EIF2AK3: variants seen among roughly 807,000 people sequenced by gnomAD.
EIF2AK3 encodes the protein eukaryotic translation initiation factor 2 alpha kinase 3.
Under a neutral mutation model 113.5 loss-of-function variants are expected in EIF2AK3, and 50 were observed. The observed-to-expected ratio is 0.44, with a 90% CI of 0.35 to 0.56. The LOEUF (loss-of-function observed/expected upper bound fraction) is 0.56. EIF2AK3 is among the 20% of genes least tolerant of loss of function. The pLI is 0.00. For missense variants in EIF2AK3, 1,185 were observed against 1,378.0 expected (o/e 0.86, Z 2.22); for synonymous variants, 448 against 495.4 (o/e 0.90, Z 1.27).
At chr2:88,567,139 T>G (rs2104396110) in intron 14 of EIF2AK3, among the ~76,000 whole-genome samples, 1 of 152,304 alleles carries the variant, frequency 6.6e-6, no homozygotes, top group South Asian at 2.1e-4. Context: ...AATTATAATT[T>G]ATTCATCAAT....
In EIF2AK3 at chr2:88,562,176, T is replaced by C. The variant is rs1284285740; in HGVS notation, c.3087+113A>G. The C allele has an allele frequency of 3.7e-6, 3 of 816,618 alleles. No individual in the cohort carries two copies. The Admixed American group carries it at 6.4e-5, about 17-fold the overall frequency. The allele number at this position is 816,618 out of a possible 1,614,324, so 50.6% of individuals were successfully genotyped here. On this transcript the variant is annotated intron_variant, in intron 15 of 16. Transcript: ENST00000303236. ...GTTACTCACATCACCTCTTTCACTT[T>C]TAGTTAACCAATCTGCTGGTATTAA...
At chr2:88,616,132 G>C (rs900412221) in intron 1 of EIF2AK3, among the ~76,000 whole-genome samples, 1 of 150,634 alleles carries the variant, frequency 6.6e-6, no homozygotes, top group Admixed American at 6.6e-5. Context: ...TAATTTTTTT[G>C]GTGATCTCAT....
At chr2:88,618,323 C>T (rs1198381413) in intron 1 of EIF2AK3, among the ~76,000 whole-genome samples, 1 of 152,218 alleles carries the variant, frequency 6.6e-6, no homozygotes, top group Non-Finnish European at 1.5e-5. Context: ...AAACTCTTAA[C>T]TTATTCAAGA....
intron 1 of EIF2AK3, among the ~76,000 whole-genome samples, chr2:88,618,659 C>T (rs1324784057): frequency 2.6e-5 from 4 of 152,190 alleles, no homozygotes; most frequent in Non-Finnish European, 4.4e-5. Context: ...TTAGTCATTT[C>T]CATAGAGAAA....
chr2:88,622,769 A>G (rs1675758978), intron 1 of EIF2AK3, among the ~76,000 whole-genome samples: 1 of 152,244 alleles, frequency 6.6e-6, no homozygotes, highest in South Asian at 2.1e-4. Flanking sequence ...ATATGCTACT[A>G]TTCAAGGGTC....
intron 1 of EIF2AK3, among the ~76,000 whole-genome samples, chr2:88,618,549 G>T (rs1198137938): frequency 2.6e-5 from 4 of 152,190 alleles, no homozygotes; most frequent in East Asian, 1.9e-4. Flanking sequence ...AACCATTAAA[G>T]GTTCCCACGT....
intron 1 of EIF2AK3, among the ~76,000 whole-genome samples, chr2:88,625,476 C>A (rs796465449): frequency 2.0e-5 from 3 of 152,294 alleles, no homozygotes; most frequent in African/African-American, 7.2e-5. Flanking sequence ...TATCTTCTTA[C>A]CTACCCTCAC....
chr2:88,599,206 C>A (rs962915233), intron 2 of EIF2AK3, among the ~76,000 whole-genome samples: 18 of 152,186 alleles, frequency 1.2e-4, no homozygotes, highest in Non-Finnish European at 2.4e-4. Context: ...GTTCCTATTA[C>A]TCATTACTGA....
intron 2 of EIF2AK3, among the ~76,000 whole-genome samples, chr2:88,609,140 C>T (rs374214411): frequency 6.6e-6 from 1 of 152,034 alleles, no homozygotes; most frequent in African/African-American, 2.4e-5. Context: ...GCAGCACACA[C>T]CTTGCTGAAT....
intron 14 of EIF2AK3, among the ~76,000 whole-genome samples, chr2:88,567,186 T>A (rs1674153572): frequency 6.6e-6 from 1 of 151,660 alleles, no homozygotes; most frequent in Non-Finnish European, 1.5e-5. Context: ...AAGCTTAGTA[T>A]TTTTTTACCT....
In EIF2AK3 at chr2:88,627,046, C is replaced by G; in HGVS notation, c.229G>C (p.Ala77Pro). The stretch of plus-strand genomic sequence containing the variant: ...TGCTCTCCCGCGGCTGCCGGCAGCG[C>G]CTCAGCGTCCTCCACAGTCACCTCG... ...AAEVTVEDAE[A>P]LPAAAGEQEP... The change falls in exon 1 of 17, where the codon GCG becomes CCG. Residue 77 changes from alanine to proline, a missense_variant. Physicochemically the swap from Ala to Pro is conservative, Grantham distance 27. Transcript: ENST00000303236. The G allele has an allele frequency of 1.3e-6, 2 of 1,598,388 alleles. No individual in the cohort carries two copies. The highest frequency in any genetic ancestry group is 1.7e-6 in the Non-Finnish European group (2 of 1,177,200).
chr2:88,606,224 T>C (rs140725455), intron 2 of EIF2AK3, among the ~76,000 whole-genome samples: 1 of 152,238 alleles, frequency 6.6e-6, no homozygotes, highest in Non-Finnish European at 1.5e-5. Flanking sequence ...AACACTGATT[T>C]TAATAACTAT....
intron 6 of EIF2AK3, 110 bp downstream of exon 6, chr2:88,590,333 A>G (rs1674850521): frequency 1.9e-6 from 2 of 1,048,120 alleles, no homozygotes; most frequent in Admixed American, 3.5e-5. Context: ...ATCAGAGATG[A>G]TATTAGGATT....
chr2:88,619,728 TG>T (rs1675672314), intron 1 of EIF2AK3, among the ~76,000 whole-genome samples: 1 of 152,124 alleles, frequency 6.6e-6, no homozygotes, highest in South Asian at 2.1e-4. Context: ...CCAAGGCGGA[TG>T]GATCACCTGA....
chr2:88,602,447 A>G (rs1675173055), intron 2 of EIF2AK3, among the ~76,000 whole-genome samples: 1 of 152,196 alleles, frequency 6.6e-6, no homozygotes, highest in African/African-American at 2.4e-5. Context: ...GGGGTAAGAA[A>G]AAGAGTGTGG....
chr2:88,564,222 G>T (rs551954982), intron 14 of EIF2AK3, among the ~76,000 whole-genome samples: 137 of 152,248 alleles, frequency 9.0e-4, no homozygotes, highest in South Asian at 4.8e-3. Flanking sequence ...TTATTTCAAG[G>T]ATGAGAAAAT....
intron 14 of EIF2AK3, among the ~76,000 whole-genome samples, chr2:88,563,344 G>A (rs994098916): frequency 4.6e-5 from 7 of 152,280 alleles, no homozygotes; most frequent in Non-Finnish European, 1.0e-4. Context: ...AAGAGCAGAT[G>A]GAAAGCTTCA....
Position 88,587,073 on chromosome 2 carries a change from C to T in EIF2AK3, c.1429+909G>A, listed in dbSNP as rs541063473. 7.9e-5 allele frequency among the ~76,000 whole-genome samples: 12 copies of T among 151,084 alleles called. No individual in the cohort carries two copies. The South Asian group carries it at 2.1e-3, about 27-fold the overall frequency. On this transcript the variant is annotated intron_variant, in intron 8 of 16. Coordinates refer to ENST00000303236, the MANE Select transcript of EIF2AK3 (RefSeq NM_004836.7). ...TACAAAAATTAGCTGGGCGTGGTGG[C>T]GTGCATCTGTAGTCCCAGCTACTCG...
Position 88,598,499 on chromosome 2 carries a change from C to T in EIF2AK3, c.439-2836G>A, listed in dbSNP as rs1675071293. On this transcript the variant is annotated intron_variant, in intron 2 of 16. Transcript: ENST00000303236. ...CTATGTAGTATTCCAGCCAAGAATG[C>T]ACAACCTGAATCTCAGCACAAAGAA... Among the ~76,000 whole-genome samples the T allele has an allele frequency of 2.0e-5, 3 of 152,150 alleles. 1 individual carries two copies. In the South Asian group the frequency reaches 6.2e-4, roughly 32 times the overall value.
Sources: gnomAD v4.1 joint callset for allele counts (sites outside exome capture counted in the v4.1 genomes callset) on GRCh38, gnomAD v4.1.1 for gene constraint, MANE v1.5 for transcripts, NCBI Gene and HGNC (gene_info 2026-07-23, HGNC 2026-07-21) for gene names.